The following OR51I2 variants were observed in gnomAD, a reference collection of about 807,000 sequenced individuals.
OR51I2 encodes the protein olfactory receptor family 51 subfamily I member 2.
A neutral mutation model predicts 9.3 loss-of-function variants in OR51I2; 6 were observed. The ratio of observed to expected loss-of-function variants is 0.64; its 90% CI spans 0.35 to 1.27. The LOEUF (loss-of-function observed/expected upper bound fraction) is 1.27. OR51I2 is among the 50% of genes most tolerant of loss of function. OR51I2 has a pLI of 0.03. For missense variants in OR51I2, 489 were observed against 396.4 expected (o/e 1.23, Z -1.98); for synonymous variants, 179 against 143.1 (o/e 1.25, Z -1.79).
chr11:5,453,272 C>A lies in OR51I2; in HGVS notation c.-217C>A. ...TTCATAAAATAGAGGGAAATATTAG[C>A]TCAGCCTGCAGGCTGATCATCATAA... is the stretch of plus-strand genomic sequence containing the variant. On this transcript the variant is annotated 5_prime_UTR_variant, in exon 2 of 2. Transcript: ENST00000641930. 1 of 394,238 alleles carries A rather than the reference C, an allele frequency of 2.5e-6. No homozygotes were observed. Among genetic ancestry groups the A allele is most frequent in the Non-Finnish European group, 4.5e-6 (1 of 222,898 alleles). 24.4% of individuals were successfully genotyped at this position (394,238 alleles called of 1,614,324 possible).
Position 5,453,981 on chromosome 11 carries a change from A to G in OR51I2, c.493A>G (p.Arg165Gly), listed in dbSNP as rs1180908266. The G allele has an allele frequency of 6.2e-7, 1 of 1,613,922 alleles. No individual in the cohort carries two copies. Among genetic ancestry groups the G allele is most frequent in the Non-Finnish European group, 8.5e-7 (1 of 1,180,038 alleles). The change falls in exon 2 of 2, where the codon AGG (arginine) becomes GGG (glycine). Residue 165 changes from arginine (R) to glycine (G), a missense_variant. Physicochemically the swap from Arg to Gly is moderately radical, Grantham distance 125 (BLOSUM62 -2). Coordinates refer to ENST00000641930, the MANE Select transcript of OR51I2 (RefSeq NM_001004754.3). ...TTTCCCTCTTCCCTTTCTTATTAAG[A>G]GGCTGCCTATCTGCAGATCCAATGT... ...TLFPLPFLIK[R>G]LPICRSNVLS...
At chr11:5,450,545 C>T (rs540979353) in intron 1 of OR51I2, among the ~76,000 whole-genome samples, 1 of 152,246 alleles carries the variant, frequency 6.6e-6, no homozygotes, top group East Asian at 1.9e-4. Flanking sequence ...CACCTGGTTC[C>T]TATATGGTTT....
Position 5,453,980 on chromosome 11 carries a change from G to C in OR51I2, c.492G>C (p.Lys164Asn). 1 of 1,613,990 alleles carries C rather than the reference G, an allele frequency of 6.2e-7. No homozygotes were observed. The highest frequency in any genetic ancestry group is 1.1e-5 in the South Asian group (1 of 91,074). The change falls in exon 2 of 2, where the codon AAG becomes AAC. Residue 164 changes from lysine (K) to asparagine (N), a missense_variant. By Grantham distance (94) the Lys-to-Asn change is moderately conservative. Coordinates refer to ENST00000641930, the MANE Select transcript of OR51I2 (RefSeq NM_001004754.3). Reference sequence around the variant, plus strand: ...TTTTCCCTCTTCCCTTTCTTATTAAGAGGCTGCCTATCTGCAGATCCAATG... The same window carrying C: ...TTTTCCCTCTTCCCTTTCTTATTAACAGGCTGCCTATCTGCAGATCCAATG... Reference protein sequence around the residue: ...ITLFPLPFLIKRLPICRSNVL... With the variant: ...ITLFPLPFLINRLPICRSNVL...
At position 5,454,289 on chromosome 11, in the gene OR51I2, T is replaced by C. The variant is rs900376503; in HGVS notation, c.801T>C (p.His267=). 3.1e-6 allele frequency: 5 copies of C among 1,614,228 alleles called. No homozygotes were observed. Among genetic ancestry groups the C allele is most frequent in the South Asian group, 2.2e-5 (2 of 91,088 alleles). Residue 267 remains histidine (H), a synonymous_variant, in exon 2 of 2, where the codon CAT becomes CAC. Coordinates refer to ENST00000641930, the MANE Select transcript of OR51I2 (RefSeq NM_001004754.3). ...GVSTVHRFGK[H]VPCYIHVLMS... is the part of the protein sequence containing the mutation. ...CCACAGTGCACCGCTTTGGGAAGCA[T>C]GTCCCATGCTACATACATGTCCTCA... is the stretch of plus-strand genomic sequence containing the variant.
In OR51I2 at chr11:5,456,265, C is replaced by T. The variant is rs1002299353; in HGVS notation, c.*1838C>T. On this transcript the variant is annotated 3_prime_UTR_variant, in exon 2 of 2. Coordinates refer to ENST00000641930, the MANE Select transcript of OR51I2 (RefSeq NM_001004754.3). ...TGAGCCTCCCAAAAAGCCTCTGGCTCCTTTGTACCTTAATTTCACCTTCCT... is the reference window on the plus strand; with the variant it reads ...TGAGCCTCCCAAAAAGCCTCTGGCTTCTTTGTACCTTAATTTCACCTTCCT... 6.6e-6 allele frequency: 1 copy of T among 152,120 alleles called. No individual in the cohort carries two copies. Among genetic ancestry groups the T allele is most frequent in the Non-Finnish European group, 1.5e-5 (1 of 68,032 alleles). The allele number at this position is 152,120 out of a possible 1,614,324, so 9.4% of individuals were successfully genotyped here.
intron 1 of OR51I2, among the ~76,000 whole-genome samples, chr11:5,450,723 A>C (rs908526915): frequency 1.1e-4 from 17 of 152,152 alleles, no homozygotes; most frequent in Non-Finnish European, 1.5e-4. Flanking sequence ...TTTCCTTTTA[A>C]ACTTACTCTC....
At chr11:5,450,476 A>C (rs1801669120) in intron 1 of OR51I2, among the ~76,000 whole-genome samples, 1 of 152,228 alleles carries the variant, frequency 6.6e-6, no homozygotes, top group Admixed American at 6.5e-5. Context: ...TTATATAGCC[A>C]GTACCTTCCA....
At position 5,454,084 on chromosome 11, in the gene OR51I2, G is replaced by A. The variant is rs569682527; in HGVS notation, c.596G>A (p.Gly199Glu). The A allele has an allele frequency of 6.2e-7, 1 of 1,614,078 alleles. No individual in the cohort carries two copies. The highest frequency in any genetic ancestry group is 1.7e-5 in the Admixed American group (1 of 60,020). ...GATATCAGTATCAACAGCATCTATG[G>A]ACTCTTTGTTCTTGTATCCACCTTT... ...CADISINSIY[G>E]LFVLVSTFGM... is the part of the protein sequence containing the mutation. The change falls in exon 2 of 2, where the codon GGA becomes GAA. Residue 199 changes from glycine to glutamate, a missense_variant. Coordinates refer to ENST00000641930, the MANE Select transcript of OR51I2 (RefSeq NM_001004754.3).
intron 1 of OR51I2, among the ~76,000 whole-genome samples, chr11:5,452,299 T>C (rs558288745): frequency 8.4e-4 from 128 of 151,794 alleles, no homozygotes; most frequent in African/African-American, 2.8e-3. Context: ...GGTCAGGAGA[T>C]CGAGATCATC....
rs887303929 is a variant in OR51I2, at chr11:5,455,385, G to C, written c.*958G>C. On this transcript the variant is annotated 3_prime_UTR_variant, in exon 2 of 2. Coordinates refer to ENST00000641930, the MANE Select transcript of OR51I2 (RefSeq NM_001004754.3). ...AAAAAAGCCTAGGATAGACAGACTA[G>C]AGCACTTATGGTTTAGATACCAGAA... 1 of 149,290 alleles carries C rather than the reference G, an allele frequency of 6.7e-6. No homozygotes were observed. Among genetic ancestry groups the C allele is most frequent in the African/African-American group, 2.4e-5 (1 of 40,852 alleles). The allele number at this position is 149,290 out of a possible 1,614,324, so 9.2% of individuals were successfully genotyped here.
At chr11:5,450,226 T>C (rs778238279) in intron 1 of OR51I2, among the ~76,000 whole-genome samples, 3 of 151,892 alleles carry the variant, frequency 2.0e-5, no homozygotes, top group Non-Finnish European at 2.9e-5. Context: ...CTGTCTCTAT[T>C]AAAAATACAA....
Position 5,453,585 on chromosome 11 carries a change from G to C in OR51I2, c.97G>C (p.Val33Leu), listed in dbSNP as rs139674475. ...SHSWLSGPLC[V>L]MYAVALGGNT... ...CTCCTGGCTGTCAGGGCCCCTCTGCGTGATGTATGCTGTGGCCCTTGGGGG... is the reference window on the plus strand; with the variant it reads ...CTCCTGGCTGTCAGGGCCCCTCTGCCTGATGTATGCTGTGGCCCTTGGGGG... Residue 33 changes from valine to leucine, a missense_variant, in exon 2 of 2, where the codon GTG becomes CTG. Physicochemically the swap from Val to Leu is conservative, Grantham distance 32. Transcript: ENST00000641930. The C allele has an allele frequency of 1.9e-6, 3 of 1,613,154 alleles. No individual in the cohort carries two copies. The highest frequency in any genetic ancestry group is 2.5e-6 in the Non-Finnish European group (3 of 1,179,756).
chr11:5,453,872 C>A lies in OR51I2; in HGVS notation c.384C>A (p.Asp128Glu), dbSNP rs1008809851. The A allele has an allele frequency of 6.2e-7, 1 of 1,614,214 alleles. No homozygotes were observed. The highest frequency in any genetic ancestry group is 1.3e-5 in the African/African-American group (1 of 75,054). ...MSFDRYVAICDPLRYATVLTT... is the reference protein window; with the variant it reads ...MSFDRYVAICEPLRYATVLTT... ...TTGACCGCTATGTGGCCATTTGTGA[C>A]CCCTTGCGCTATGCAACTGTGCTCA... Residue 128 changes from aspartate to glutamate, a missense_variant, in exon 2 of 2, where the codon GAC becomes GAA. Transcript: ENST00000641930.
Position 5,455,121 on chromosome 11 carries a change from G to C in OR51I2, c.*694G>C, listed in dbSNP as rs1850930963. ...TAAACTGATAGATATTGCCATTTAG[G>C]AAAATCTCCAGATTCTTCTTTACTT... On this transcript the variant is annotated 3_prime_UTR_variant, in exon 2 of 2. Transcript: ENST00000641930. The C allele has an allele frequency of 1.3e-5, 2 of 152,174 alleles. No homozygotes were observed. Among genetic ancestry groups the C allele is most frequent in the Admixed American group, 6.5e-5 (1 of 15,286 alleles). 9.4% of individuals were successfully genotyped at this position (152,174 alleles called of 1,614,324 possible).
chr11:5,452,986 T>C (rs183693816), intron 1 of OR51I2, among the ~76,000 whole-genome samples: 87 of 152,110 alleles, frequency 5.7e-4, no homozygotes, highest in African/African-American at 2.0e-3. Flanking sequence ...CACAACATGA[T>C]ACAAAACTTG....
intron 1 of OR51I2, among the ~76,000 whole-genome samples, chr11:5,452,843 C>A (rs1850877670): frequency 6.6e-6 from 1 of 152,116 alleles, no homozygotes; most frequent in Non-Finnish European, 1.5e-5. Context: ...CAGCCTTGTG[C>A]CTTTGCACAA....
At chr11:5,452,671 A>G (rs1850875385) in intron 1 of OR51I2, among the ~76,000 whole-genome samples, 1 of 152,118 alleles carries the variant, frequency 6.6e-6, no homozygotes, top group Admixed American at 6.5e-5. Flanking sequence ...CCTGTTGTGA[A>G]GGTACATTAA....
chr11:5,449,495 A>T (rs538455627), intron 1 of OR51I2, 131 bp downstream of exon 1: 1 of 152,580 alleles, frequency 6.6e-6, no homozygotes, highest in Admixed American at 6.5e-5. Flanking sequence ...TGATAGAAGC[A>T]TCTTAGTAGA....
Position 5,454,138 on chromosome 11 carries a change from C to A in OR51I2, c.650C>A (p.Ser217Tyr), listed in dbSNP as rs1426647804. ...FGMDLFFIFL[S>Y]YVLILRSVMA... is the part of the protein sequence containing the mutation. ...ATGGACCTGTTTTTTATCTTCCTCT[C>A]CTATGTGCTCATTCTGCGTTCTGTC... Residue 217 changes from serine to tyrosine, a missense_variant, in exon 2 of 2, where the codon TCC becomes TAC. Coordinates refer to ENST00000641930, the MANE Select transcript of OR51I2 (RefSeq NM_001004754.3). 3.7e-6 allele frequency: 6 copies of A among 1,614,190 alleles called. No individual in the cohort carries two copies. Among genetic ancestry groups the A allele is most frequent in the Non-Finnish European group, 5.1e-6 (6 of 1,180,040 alleles).
Sources: gnomAD v4.1 joint callset for allele counts (sites outside exome capture counted in the v4.1 genomes callset) on GRCh38, gnomAD v4.1.1 for gene constraint, MANE v1.5 for transcripts, NCBI Gene and HGNC (gene_info 2026-07-23, HGNC 2026-07-21) for gene names.